The following CSMD2 variants were observed in gnomAD, a reference collection of about 807,000 sequenced individuals.
CSMD2 encodes CUB and sushi domain-containing protein 2.
A neutral mutation model predicts 398.5 loss-of-function variants in CSMD2; 130 were observed. The ratio of observed to expected loss-of-function variants is 0.33; its 90% CI spans 0.28 to 0.38. The LOEUF is 0.38. Ranked by LOEUF, CSMD2 falls within the 10% of genes least tolerant of loss-of-function variation. CSMD2 has a pLI of 1.00. For synonymous variants in CSMD2, 1,828 were observed against 1,908.5 expected, an observed-to-expected ratio of 0.96 and a Z score of 1.10; for missense variants, 3,829 against 4,764.9, an observed-to-expected ratio of 0.80 and a Z score of 5.78.
chr1:34,124,443 T>G (rs983059303), intron 1 of CSMD2, among the ~76,000 whole-genome samples: 5 of 152,168 alleles, frequency 3.3e-5, no homozygotes, highest in African/African-American at 4.8e-5. Context: ...GGATAGGGTC[T>G]GGAGAAACCC....
chr1:33,825,638 CCTGCACGT>C, intron 7 of CSMD2, 51 bp downstream of exon 7: 1 of 1,439,562 alleles, frequency 6.9e-7, no homozygotes, highest in Non-Finnish European at 9.7e-7. Flanking sequence ...CGGTTTAGTG[CCTGCACGT>C]GTGACCTCAA....
intron 48 of CSMD2, 72 bp downstream of exon 48, chr1:33,580,681 C>G (rs188113119): frequency 1.9e-6 from 3 of 1,549,536 alleles, no homozygotes; most frequent in Admixed American, 1.8e-5. Flanking sequence ...AATGGCCGCC[C>G]GGTCTCCACA....
At chr1:33,822,536 C>A (rs761482960) in intron 7 of CSMD2, among the ~76,000 whole-genome samples, 79 of 152,218 alleles carry the variant, frequency 5.2e-4, no homozygotes, top group Non-Finnish European at 9.6e-4. Flanking sequence ...AGCCAGTTAC[C>A]CCTACCCCTA....
chr1:33,893,873 G>GC (rs1430118299), intron 5 of CSMD2, among the ~76,000 whole-genome samples: 1 of 152,188 alleles, frequency 6.6e-6, no homozygotes, highest in African/African-American at 2.4e-5. Flanking sequence ...CTAGCAGGCA[G>GC]CCATGCCTTT....
intron 4 of CSMD2, among the ~76,000 whole-genome samples, chr1:33,920,542 C>CAAAAAAAAAAA (rs58865984): frequency 2.4e-5 from 2 of 84,212 alleles, no homozygotes; most frequent in African/African-American, 3.7e-5. Context: ...CAATCTGTCT[C>CAAAAAAAAAAA]AAAAAAAAAA....
intron 11 of CSMD2, among the ~76,000 whole-genome samples, chr1:33,789,364 C>T (rs1262465997): frequency 6.6e-6 from 1 of 152,210 alleles, no homozygotes; most frequent in Admixed American, 6.5e-5. Flanking sequence ...CTGCACTTAT[C>T]AATTTCCTAC....
chr1:33,826,277 C>T (rs867147156), intron 6 of CSMD2, among the ~76,000 whole-genome samples: 24 of 152,152 alleles, frequency 1.6e-4, no homozygotes, highest in Middle Eastern at 3.2e-3. Context: ...GATTTTTTAG[C>T]TCCCTCCATT....
intron 1 of CSMD2, among the ~76,000 whole-genome samples, chr1:34,137,069 A>G (rs1331890341): frequency 6.6e-6 from 1 of 151,882 alleles, no homozygotes; most frequent in African/African-American, 2.4e-5. Flanking sequence ...CCCCCATCTA[A>G]TACCCCATCC....
rs369816497 is a variant in CSMD2, at chr1:33,519,688, A to G, written c.10737-11T>C. The G allele has an allele frequency of 5.6e-6, 9 of 1,613,658 alleles. No individual in the cohort carries two copies. Among genetic ancestry groups the G allele is most frequent in the Non-Finnish European group, 7.6e-6 (9 of 1,179,946 alleles). On this transcript the variant is annotated splice_polypyrimidine_tract_variant and intron_variant, in intron 69 of 70. Transcript: ENST00000373381. The surrounding 1 kb of genome is among the most constrained non-coding windows in gnomAD (Gnocchi z 5.6). The stretch of plus-strand genomic sequence containing the variant: ...ACTTTGGGTCTTCTCCTGGCGATAA[A>G]AGAGGAAGTGCCCACGGCATGAAAA...
At chr1:34,119,560 C>G (rs1221497153) in intron 1 of CSMD2, among the ~76,000 whole-genome samples, 1 of 152,160 alleles carries the variant, frequency 6.6e-6, no homozygotes, top group Non-Finnish European at 1.5e-5. Flanking sequence ...GAGAACTCCT[C>G]TAACTCAACA....
chr1:33,692,898 G>A, intron 25 of CSMD2, 32 bp downstream of exon 25: 1 of 1,604,896 alleles, frequency 6.2e-7, no homozygotes, highest in Non-Finnish European at 8.5e-7. Flanking sequence ...TGAACAACTG[G>A]CGATAGTTAC....
intron 2 of CSMD2, among the ~76,000 whole-genome samples, chr1:34,087,071 G>C (rs530243781): frequency 1.3e-5 from 2 of 152,110 alleles, no homozygotes; most frequent in Admixed American, 1.3e-4. Context: ...AACATGACTG[G>C]CTTGGCCAAA....
intron 5 of CSMD2, chr1:33,860,697 C>G (rs985758784): frequency 6.6e-6 from 1 of 152,204 alleles, no homozygotes; most frequent in Non-Finnish European, 1.5e-5. Flanking sequence ...CAAAGTTACT[C>G]AGCTAGTAAA....
intron 13 of CSMD2, among the ~76,000 whole-genome samples, chr1:33,744,015 G>A (rs1019186079): frequency 6.6e-5 from 10 of 152,174 alleles, no homozygotes; most frequent in African/African-American, 2.4e-4. Flanking sequence ...TTCTGGCTGG[G>A]GGATTTTGGG....
chr1:33,833,740 T>C (rs1659894499), intron 6 of CSMD2, among the ~76,000 whole-genome samples: 1 of 151,996 alleles, frequency 6.6e-6, no homozygotes, highest in African/African-American at 2.4e-5. Context: ...CATGATTGTA[T>C]ATCTAGAAAA....
intron 3 of CSMD2, among the ~76,000 whole-genome samples, chr1:34,016,400 C>T (rs1466158808): frequency 5.3e-5 from 8 of 151,954 alleles, no homozygotes; most frequent in African/African-American, 9.7e-5. Context: ...TGAGAACATG[C>T]GGTGTTGGTT....
chr1:34,021,621 G>T (rs936674481), intron 3 of CSMD2, among the ~76,000 whole-genome samples: 5 of 152,190 alleles, frequency 3.3e-5, no homozygotes, highest in Admixed American at 3.3e-4. Context: ...CCCGTGAAAA[G>T]GGTGTTTATC....
chr1:33,699,369 G>A (rs965274690), intron 23 of CSMD2, among the ~76,000 whole-genome samples: 1 of 152,198 alleles, frequency 6.6e-6, no homozygotes, highest in East Asian at 1.9e-4. Context: ...GCTGGAAAAG[G>A]AAACAGATTT....
intron 56 of CSMD2, 140 bp from the exon 57 acceptor site, chr1:33,546,359 A>C (rs984900077): frequency 1.3e-6 from 1 of 760,604 alleles, no homozygotes; most frequent in Non-Finnish European, 2.1e-6. Flanking sequence ...TTACCTGCAC[A>C]TGCTCCTGCC....
Sources: allele counts gnomAD v4.1 joint callset (sites outside exome capture counted in the v4.1 genomes callset), GRCh38; gene constraint gnomAD v4.1.1; non-coding constraint Gnocchi (gnomAD v3.1); transcripts MANE v1.5; gene names NCBI Gene and HGNC (gene_info 2026-07-23, HGNC 2026-07-21).